The following FAAP20 variants were observed in gnomAD, a reference collection of about 807,000 sequenced individuals.
The protein encoded by FAAP20 is FA core complex associated protein 20.
FAAP20 carries 12 observed loss-of-function variants against 16.2 expected under a neutral mutation model. That is an observed-to-expected ratio of 0.74 (90% CI 0.48 to 1.20). The LOEUF (loss-of-function observed/expected upper bound fraction) is 1.20, where lower values mean the gene tolerates loss of function less well. FAAP20 is among the 50% of genes most tolerant of loss of function. The probability of loss-of-function intolerance (pLI) is 0.00; values close to 1 mark genes in which losing one functional copy is unlikely to be tolerated. For missense variants in FAAP20, 288 were observed against 245.8 expected (o/e 1.17, Z -1.15); for synonymous variants, 141 against 110.7 (o/e 1.27, Z -1.72).
At chr1:2,208,010 G>A (rs1689329004), downstream of FAAP20, among the ~76,000 whole-genome samples, 1 of 152,290 alleles carries the variant, frequency 6.6e-6, no homozygotes, top group South Asian at 2.1e-4. Context: ...CCGCGTGCCT[G>A]CACGTGTGTG....
chr1:2,187,419 C>T (rs979358074), downstream of FAAP20, among the ~76,000 whole-genome samples: 1 of 151,992 alleles, frequency 6.6e-6, no homozygotes, highest in Non-Finnish European at 1.5e-5. Context: ...ATTCTCCTGC[C>T]TCAGCCTCCC....
downstream of FAAP20, chr1:2,185,594 C>T (rs1348876155): frequency 1.4e-6 from 1 of 694,156 alleles, no homozygotes; most frequent in Non-Finnish European, 2.7e-6. Flanking sequence ...GAGTGTGTCC[C>T]AGCCGCTGTG....
chr1:2,197,873 T>G (rs916468665), upstream of FAAP20: 3 of 989,724 alleles, frequency 3.0e-6, no homozygotes, highest in Non-Finnish European at 4.0e-6. Flanking sequence ...CCTCCACTTG[T>G]CAGGAAGCCT....
upstream of FAAP20, chr1:2,198,878 G>C (rs1435905350): frequency 2.3e-6 from 3 of 1,289,670 alleles, no homozygotes; most frequent in Non-Finnish European, 3.0e-6. Flanking sequence ...GCCAGATGTG[G>C]TGGCATTTAT....
Position 2,189,592 on chromosome 1 carries a change from T to A in FAAP20, c.*117A>T. 1 of 819,060 alleles carries A rather than the reference T, an allele frequency of 1.2e-6. No individual in the cohort carries two copies. 50.7% of individuals were successfully genotyped at this position (819,060 alleles called of 1,614,324 possible). A position where few individuals can be genotyped will look rare whatever the true frequency, so the allele number is the denominator to read the frequency against. ...CAGACAGGAGCCCGCCCTGCTTTAA[T>A]GCGCATGCGGGGGAGCCGAGAGGCG... On this transcript the variant is annotated 3_prime_UTR_variant, in exon 4 of 4. Transcript: ENST00000378546.
At chr1:2,207,533 G>C (rs1271630176), downstream of FAAP20, 1 of 152,340 alleles carries the variant, frequency 6.6e-6, no homozygotes, top group East Asian at 1.9e-4. Context: ...CCCTACCCGG[G>C]GCCCGGACTC....
chr1:2,211,170 G>A (rs937025180), downstream of FAAP20, among the ~76,000 whole-genome samples: 1 of 151,288 alleles, frequency 6.6e-6, no homozygotes, highest in African/African-American at 2.4e-5. Context: ...GGCCCCTGCC[G>A]CCATGCCACT....
At chr1:2,192,129 C>A in intron 3 of FAAP20, 8 of 985,596 alleles carry the variant, frequency 8.1e-6, no homozygotes, top group Non-Finnish European at 9.6e-6. Flanking sequence ...TAGACCAGAC[C>A]CTCCAATCCA....
At chr1:2,187,447 G>C (rs569471880), downstream of FAAP20, among the ~76,000 whole-genome samples, 1 of 151,994 alleles carries the variant, frequency 6.6e-6, no homozygotes, top group Non-Finnish European at 1.5e-5. Flanking sequence ...TGGGATTACA[G>C]GCACCTGCCC....
chr1:2,201,327 G>T, upstream of FAAP20: 1 of 953,840 alleles, frequency 1.0e-6, no homozygotes, highest in Non-Finnish European at 1.3e-6. Flanking sequence ...CGAAGGCACA[G>T]CCTGGAAGGA....
At chr1:2,198,172 C>A, upstream of FAAP20, 1 of 1,287,510 alleles carries the variant, frequency 7.8e-7, no homozygotes, top group South Asian at 1.2e-5. Flanking sequence ...CTGGTTGGGA[C>A]TGACACGTGC....
At chr1:2,185,270 G>A (rs202100130), downstream of FAAP20, 274 of 716,204 alleles carry the variant, frequency 3.8e-4, no homozygotes, top group Non-Finnish European at 2.7e-4. Flanking sequence ...ACCCTGCCGA[G>A]GGGGCTGTCA....
In FAAP20 at chr1:2,192,812, C is replaced by G. The variant is rs749172105; in HGVS notation, c.470+827G>C. ...ATGGGATCTTGCCATGTTGCCCAGGCTGGTCTCAAACTCCTGGGCTCCAGC... is the reference window on the plus strand; with the variant it reads ...ATGGGATCTTGCCATGTTGCCCAGGGTGGTCTCAAACTCCTGGGCTCCAGC... On this transcript the variant is annotated intron_variant, in intron 3 of 3. Coordinates refer to ENST00000378546, the MANE Select transcript of FAAP20 (RefSeq NM_182533.4). The G allele has an allele frequency of 2.6e-6, 3 of 1,165,186 alleles. No homozygotes were observed. The South Asian group carries it at 3.8e-5, about 15-fold the overall frequency. 72.2% of individuals were successfully genotyped at this position (1,165,186 alleles called of 1,614,324 possible).
upstream of FAAP20, chr1:2,198,491 C>T (rs894374171): frequency 2.3e-6 from 1 of 437,976 alleles, no homozygotes; most frequent in African/African-American, 2.1e-5. Context: ...AACAAGTGTC[C>T]CAGCCACTGG....
chr1:2,208,492 G>C (rs1302935903), downstream of FAAP20, among the ~76,000 whole-genome samples: 1 of 152,190 alleles, frequency 6.6e-6, no homozygotes, highest in African/African-American at 2.4e-5. Context: ...GGCAGTGCCT[G>C]GCCTGGAGGT....
upstream of FAAP20, among the ~76,000 whole-genome samples, chr1:2,195,530 C>G (rs1688776697): frequency 2.0e-5 from 3 of 152,264 alleles, no homozygotes; most frequent in South Asian, 6.2e-4. Flanking sequence ...CCAGACGCCA[C>G]TCAGGGCTCT....
At chr1:2,198,175 A>T, upstream of FAAP20, 1 of 1,278,968 alleles carries the variant, frequency 7.8e-7, no homozygotes, top group Non-Finnish European at 1.0e-6. Flanking sequence ...GTTGGGACTG[A>T]CACGTGCACA....
chr1:2,194,101 C>G lies in FAAP20; in HGVS notation c.95G>C (p.Gly32Ala), dbSNP rs144671392. 340 of 1,612,494 alleles carry G rather than the reference C, an allele frequency of 2.1e-4. 1 individual carries two copies. In the East Asian group the frequency reaches 6.0e-3, roughly 28 times the overall value. ...CCAGAGCCGCTCCCGCTCATCACCC[C>G]CCAGGAGAAACCAGGGGCGGCCGCC... ...PSGGRPWFLL[G>A]GDERERLWAE... The change falls in exon 2 of 4, where the codon GGG (glycine) becomes GCG (alanine). Residue 32 changes from glycine to alanine, a missense_variant. Coordinates refer to ENST00000378546, the MANE Select transcript of FAAP20 (RefSeq NM_182533.4).
upstream of FAAP20, among the ~76,000 whole-genome samples, chr1:2,202,527 G>A (rs1171821682): frequency 6.6e-6 from 1 of 152,126 alleles, no homozygotes; most frequent in Non-Finnish European, 1.5e-5. Flanking sequence ...CTAGTGGCAT[G>A]ATCTCGGCTC....
Sources: allele counts gnomAD v4.1 joint callset (sites outside exome capture counted in the v4.1 genomes callset), GRCh38; gene constraint gnomAD v4.1.1; transcripts MANE v1.5; gene names NCBI Gene and HGNC (gene_info 2026-07-23, HGNC 2026-07-21).